Variants in ATP11B observed in about 807,000 individuals in gnomAD.
The protein encoded by ATP11B is ATPase phospholipid transporting 11B (putative), also known as phospholipid-transporting ATPase IF.
Under a neutral mutation model 157.8 loss-of-function variants are expected in ATP11B, and 81 were observed. The observed-to-expected ratio is 0.51, with a 90% confidence interval of 0.43 to 0.62. The LOEUF (loss-of-function observed/expected upper bound fraction) is 0.62, where lower values mean the gene tolerates loss of function less well. Ranked by LOEUF, ATP11B falls within the 20% of genes least tolerant of loss-of-function variation. The pLI is 0.00. For missense variants in ATP11B, 1,165 were observed against 1,402.2 expected, an observed-to-expected ratio of 0.83 and a Z score of 2.70; for synonymous variants, 451 against 469.4, an observed-to-expected ratio of 0.96 and a Z score of 0.51.
Position 182,793,771 on chromosome 3 carries a change from G to A in ATP11B, c.12G>A (p.Trp4Ter). 1 of 1,406,890 alleles carries A rather than the reference G, an allele frequency of 7.1e-7. No homozygotes were observed. The highest frequency in any genetic ancestry group is 1.4e-5 in the South Asian group (1 of 71,050). The allele number at this position is 1,406,890 out of a possible 1,614,324, so 87.2% of individuals were successfully genotyped here. ...GCGACGACGGGGGAATGTGGCGCTG[G>A]ATCCGGCAGCAGCTGGTAGGTGCCC... The part of the protein sequence containing the change: MWR[W>*]IRQQLGFDPP... Residue 4 changes from tryptophan to a stop codon, truncating the protein, a stop_gained, in exon 1 of 30, where the codon TGG becomes TGA. Transcript: ENST00000323116. LOFTEE classifies it high-confidence loss of function.
chr3:182,820,052 G>A (rs759079076), intron 1 of ATP11B, among the ~76,000 whole-genome samples: 1 of 151,896 alleles, frequency 6.6e-6, no homozygotes, highest in African/African-American at 2.4e-5. Flanking sequence ...AAATAGTAAA[G>A]TTTCTATCTG....
chr3:182,827,088 T>C (rs1271664535), intron 2 of ATP11B, among the ~76,000 whole-genome samples: 4 of 152,168 alleles, frequency 2.6e-5, no homozygotes, highest in Non-Finnish European at 5.9e-5. Context: ...GTGCTAGAGA[T>C]AGAACAGTAA....
At chr3:182,856,946 AATG>A (rs1012702218) in intron 10 of ATP11B, among the ~76,000 whole-genome samples, 3 of 152,200 alleles carry the variant, frequency 2.0e-5, no homozygotes, top group Non-Finnish European at 4.4e-5. Context: ...TTGAATTTAT[AATG>A]ATGAGTTCCT....
intron 28 of ATP11B, chr3:182,902,538 A>G: frequency 7.8e-7 from 1 of 1,289,564 alleles, no homozygotes; most frequent in Non-Finnish European, 1.0e-6. Flanking sequence ...GCCATTGTCG[A>G]GGGCAAGGAA....
chr3:182,917,461 G>T, intron 29 of ATP11B: 1 of 985,342 alleles, frequency 1.0e-6, no homozygotes, highest in Non-Finnish European at 1.2e-6. Context: ...GACCAGTAGA[G>T]GATCGTTTGT....
chr3:182,857,652 G>T (rs1720510695), intron 10 of ATP11B, among the ~76,000 whole-genome samples: 1 of 151,678 alleles, frequency 6.6e-6, no homozygotes, highest in Admixed American at 6.6e-5. Context: ...TGGTAACATG[G>T]CTATATTAAA....
intron 10 of ATP11B, among the ~76,000 whole-genome samples, chr3:182,850,562 A>T (rs955744963): frequency 9.9e-5 from 15 of 152,268 alleles, no homozygotes; most frequent in South Asian, 2.1e-4. Flanking sequence ...AAAAAGACAA[A>T]AAATAAATAA....
At chr3:182,907,150 C>T (rs955751409) in intron 28 of ATP11B, among the ~76,000 whole-genome samples, 3 of 151,752 alleles carry the variant, frequency 2.0e-5, no homozygotes, top group Admixed American at 6.6e-5. Flanking sequence ...TCTCTTCTCT[C>T]GAGGAATAAC....
chr3:182,867,284 T>A (rs1005929660), intron 14 of ATP11B, 92 bp from the exon 15 acceptor site: 1 of 803,904 alleles, frequency 1.2e-6, no homozygotes, highest in Admixed American at 2.4e-5. Context: ...ACTTTGATTT[T>A]AAATGTTTTT....
At chr3:182,883,408 C>T (rs1420194491) in intron 21 of ATP11B, among the ~76,000 whole-genome samples, 1 of 151,806 alleles carries the variant, frequency 6.6e-6, no homozygotes, top group Non-Finnish European at 1.5e-5. Flanking sequence ...CAGGCACCCA[C>T]CACCATGCCC....
At chr3:182,800,808 T>A (rs1420261066) in intron 1 of ATP11B, among the ~76,000 whole-genome samples, 1 of 148,236 alleles carries the variant, frequency 6.7e-6, no homozygotes, top group African/African-American at 2.5e-5. Flanking sequence ...TTTAAGACAG[T>A]CTCGCTTTGT....
chr3:182,853,331 C>T (rs1483812702), intron 10 of ATP11B, among the ~76,000 whole-genome samples: 6 of 152,084 alleles, frequency 3.9e-5, no homozygotes, highest in Non-Finnish European at 7.4e-5. Context: ...CCTCAGCCTC[C>T]CGAGTGGCTG....
chr3:182,847,079 G>A (rs1328140486), intron 9 of ATP11B, among the ~76,000 whole-genome samples: 4 of 144,828 alleles, frequency 2.8e-5, no homozygotes, highest in Admixed American at 6.9e-5. Flanking sequence ...TTGAGACATG[G>A]TTACTCTGTT....
intron 7 of ATP11B, 24 bp downstream of exon 7, chr3:182,837,198 T>G (rs746519905): frequency 1.4e-6 from 2 of 1,470,492 alleles, no homozygotes; most frequent in South Asian, 2.4e-5. Context: ...TTCAGTATAC[T>G]TATTTTAAGT....
At chr3:182,814,790 C>T (rs1289145213) in intron 1 of ATP11B, among the ~76,000 whole-genome samples, 6 of 152,020 alleles carry the variant, frequency 3.9e-5, no homozygotes, top group Admixed American at 2.6e-4. Flanking sequence ...CCTGGGTGAC[C>T]GAGCAAGACC....
intron 2 of ATP11B, among the ~76,000 whole-genome samples, chr3:182,820,717 T>A (rs929480843): frequency 1.3e-5 from 2 of 152,208 alleles, no homozygotes; most frequent in Non-Finnish European, 2.9e-5. Flanking sequence ...ATTTTATTTT[T>A]AAAAGTGATT....
intron 2 of ATP11B, among the ~76,000 whole-genome samples, chr3:182,826,577 C>T (rs1229066339): frequency 3.3e-5 from 5 of 152,178 alleles, no homozygotes; most frequent in Admixed American, 1.3e-4. Context: ...GAAGTATCTA[C>T]CTCTCTTCTT....
chr3:182,885,362 A>G (rs1722731075), intron 22 of ATP11B, among the ~76,000 whole-genome samples: 1 of 152,150 alleles, frequency 6.6e-6, no homozygotes, highest in East Asian at 1.9e-4. Flanking sequence ...CAGAACCCAC[A>G]TTAAGAGCCC....
intron 9 of ATP11B, among the ~76,000 whole-genome samples, chr3:182,846,911 C>T (rs904767283): frequency 1.3e-5 from 2 of 152,116 alleles, no homozygotes; most frequent in African/African-American, 4.8e-5. Context: ...CTAAGTGCCA[C>T]TGAATTATAC....
Sources: allele counts gnomAD v4.1 joint callset (sites outside exome capture counted in the v4.1 genomes callset), GRCh38; gene constraint gnomAD v4.1.1; transcripts MANE v1.5; gene names NCBI Gene and HGNC (gene_info 2026-07-23, HGNC 2026-07-21).